The following SCFD2 variants were observed in gnomAD, a reference collection of about 807,000 sequenced individuals.
SCFD2 encodes sec1 family domain-containing protein 2.
Under a neutral mutation model 58.9 loss-of-function variants are expected in SCFD2, and 54 were observed. The observed-to-expected ratio is 0.92, with a 90% confidence interval of 0.74 to 1.15. SCFD2 has a LOEUF of 1.15. Ranked by LOEUF, SCFD2 falls within the 50% of genes most tolerant of loss-of-function variation. SCFD2 has a pLI of 0.00. For missense variants in SCFD2, 805 were observed against 836.6 expected (o/e 0.96, Z 0.47); for synonymous variants, 321 against 335.9 (o/e 0.96, Z 0.49).
chr4:53,217,790 C>A (rs1203994713), intron 4 of SCFD2, among the ~76,000 whole-genome samples: 3 of 152,118 alleles, frequency 2.0e-5, no homozygotes, highest in Admixed American at 1.3e-4. Context: ...ACGGTTGTTC[C>A]TTTCCATGTT....
At chr4:52,898,225 G>C (rs1284007693) in intron 7 of SCFD2, among the ~76,000 whole-genome samples, 1 of 152,116 alleles carries the variant, frequency 6.6e-6, no homozygotes, top group Non-Finnish European at 1.5e-5. Flanking sequence ...TGCTTCTCTA[G>C]TTCTTTTAAT....
chr4:53,201,850 T>C (rs147112837), intron 4 of SCFD2, among the ~76,000 whole-genome samples: 19,907 of 152,210 alleles, frequency 0.13, 1,441 homozygotes, highest in East Asian at 0.23. Context: ...TTCATATCCT[T>C]GGCCCACTTT....
At chr4:53,111,109 T>C (rs1267306896) in intron 5 of SCFD2, among the ~76,000 whole-genome samples, 3 of 152,034 alleles carry the variant, frequency 2.0e-5, no homozygotes, top group African/African-American at 4.8e-5. Context: ...CACTGCATGT[T>C]CTCAGTCGTA....
At chr4:53,247,652 G>C (rs995755591) in intron 4 of SCFD2, among the ~76,000 whole-genome samples, 4 of 151,422 alleles carry the variant, frequency 2.6e-5, no homozygotes, top group South Asian at 2.1e-4. Flanking sequence ...GAGGTCAGGA[G>C]ATCGAGACCA....
At chr4:52,886,842 G>A (rs1718752137) in intron 7 of SCFD2, among the ~76,000 whole-genome samples, 2 of 152,192 alleles carry the variant, frequency 1.3e-5, no homozygotes, top group Admixed American at 1.3e-4. Flanking sequence ...AAAGGAGCAG[G>A]AGCTACTAAA....
intron 5 of SCFD2, among the ~76,000 whole-genome samples, chr4:53,048,782 G>A (rs1326862412): frequency 6.6e-6 from 1 of 152,030 alleles, no homozygotes; most frequent in African/African-American, 2.4e-5. Context: ...CATGCTGCCT[G>A]CATTCCTCCA....
At chr4:52,971,008 C>A (rs1187163416) in intron 5 of SCFD2, among the ~76,000 whole-genome samples, 2 of 152,148 alleles carry the variant, frequency 1.3e-5, no homozygotes, top group African/African-American at 4.8e-5. Context: ...ACACCAAAAC[C>A]CTATCTGTAC....
intron 4 of SCFD2, among the ~76,000 whole-genome samples, chr4:53,184,046 C>G (rs1398648406): frequency 6.6e-6 from 1 of 152,096 alleles, no homozygotes; most frequent in Admixed American, 6.6e-5. Context: ...GATAACGTAA[C>G]CTACTCCTAG....
At chr4:52,919,161 T>C (rs143101972) in intron 6 of SCFD2, among the ~76,000 whole-genome samples, 3 of 152,278 alleles carry the variant, frequency 2.0e-5, no homozygotes, top group East Asian at 3.9e-4. Flanking sequence ...GCAAGATATA[T>C]AGCTAATACA....
chr4:53,204,884 A>T (rs1451203484), intron 4 of SCFD2, among the ~76,000 whole-genome samples: 6 of 151,936 alleles, frequency 3.9e-5, no homozygotes, highest in Non-Finnish European at 8.8e-5. Flanking sequence ...TGCTGGAAGC[A>T]AGAAAACAGT....
intron 3 of SCFD2, among the ~76,000 whole-genome samples, chr4:53,286,773 G>A (rs1300155742): frequency 6.6e-6 from 1 of 152,136 alleles, no homozygotes. Context: ...TCTCTGGGAA[G>A]TTGAGTCATT....
intron 4 of SCFD2, among the ~76,000 whole-genome samples, chr4:53,182,035 C>A (rs1727578934): frequency 6.6e-6 from 1 of 152,176 alleles, no homozygotes; most frequent in South Asian, 2.1e-4. Context: ...ATCCCATGCT[C>A]ATGTCTAGGA....
At chr4:53,288,024 G>A (rs1731722956) in intron 3 of SCFD2, among the ~76,000 whole-genome samples, 1 of 152,072 alleles carries the variant, frequency 6.6e-6, no homozygotes, top group Non-Finnish European at 1.5e-5. Flanking sequence ...AGGGCTGCTT[G>A]AGCCCAGGAG....
chr4:53,179,896 G>C (rs1727484652), intron 4 of SCFD2, among the ~76,000 whole-genome samples: 1 of 152,116 alleles, frequency 6.6e-6, no homozygotes, highest in African/African-American at 2.4e-5. Flanking sequence ...GATCAAAAGA[G>C]ACAAAGAAGG....
At chr4:53,223,589 G>A (rs1462012730) in intron 4 of SCFD2, among the ~76,000 whole-genome samples, 1 of 152,106 alleles carries the variant, frequency 6.6e-6, no homozygotes, top group Non-Finnish European at 1.5e-5. Context: ...TTCCCTAACC[G>A]GCAATTCCCT....
At chr4:53,073,162 G>A (rs1477105969) in intron 5 of SCFD2, among the ~76,000 whole-genome samples, 1 of 151,782 alleles carries the variant, frequency 6.6e-6, no homozygotes, top group Non-Finnish European at 1.5e-5. Context: ...TCCTAATTAG[G>A]TTACATATAA....
At chr4:53,214,372 T>C (rs183171857) in intron 4 of SCFD2, among the ~76,000 whole-genome samples, 8 of 152,286 alleles carry the variant, frequency 5.3e-5, no homozygotes, top group Admixed American at 2.0e-4. Flanking sequence ...TGGTATCTCA[T>C]TGTGATTTTG....
chr4:53,159,272 A>G (rs1289807218), intron 4 of SCFD2, among the ~76,000 whole-genome samples: 1 of 152,244 alleles, frequency 6.6e-6, no homozygotes, highest in Non-Finnish European at 1.5e-5. Flanking sequence ...TATAATTATT[A>G]CAGAGGAGGA....
intron 5 of SCFD2, among the ~76,000 whole-genome samples, chr4:53,049,418 T>C (rs1300558355): frequency 1.3e-5 from 2 of 152,252 alleles, no homozygotes; most frequent in Admixed American, 1.3e-4. Flanking sequence ...TGCTATTCAC[T>C]GTGCTATGCA....
Sources: gnomAD v4.1 joint callset for allele counts (sites outside exome capture counted in the v4.1 genomes callset) on GRCh38, gnomAD v4.1.1 for gene constraint, MANE v1.5 for transcripts, NCBI Gene and HGNC (gene_info 2026-07-23, HGNC 2026-07-21) for gene names.